Variants in RRAGD observed in about 807,000 individuals in gnomAD.
The protein encoded by RRAGD is ras-related GTP-binding protein D.
Under a neutral mutation model 35.5 loss-of-function variants are expected in RRAGD, and 12 were observed. The observed-to-expected ratio is 0.34, with a 90% CI of 0.22 to 0.55. The LOEUF (loss-of-function observed/expected upper bound fraction) is 0.55, where lower values mean the gene tolerates loss of function less well. Among genes scored for constraint, RRAGD ranks in the 20% least tolerant of loss-of-function variants. RRAGD has a pLI of 0.91. For missense variants in RRAGD, 324 were observed against 490.1 expected (o/e 0.66, Z 3.20); for synonymous variants, 155 against 178.9 (o/e 0.87, Z 1.07).
chr6:89,395,425 C>A (rs779616920), intron 1 of RRAGD, among the ~76,000 whole-genome samples: 1 of 151,920 alleles, frequency 6.6e-6, no homozygotes, highest in African/African-American at 2.4e-5. Flanking sequence ...CAACTTAAAT[C>A]GATAGAACTA....
At chr6:89,376,947 C>T (rs1768959663) in intron 5 of RRAGD, among the ~76,000 whole-genome samples, 1 of 152,224 alleles carries the variant, frequency 6.6e-6, no homozygotes, top group Admixed American at 6.5e-5. Flanking sequence ...TCTGCCACTC[C>T]TAAGACAGCA....
At chr6:89,407,917 G>C (rs1769615377) in intron 1 of RRAGD, among the ~76,000 whole-genome samples, 1 of 152,048 alleles carries the variant, frequency 6.6e-6, no homozygotes, top group Non-Finnish European at 1.5e-5. Flanking sequence ...TAAAAGTAGA[G>C]AGTCAGTACT....
intron 1 of RRAGD, among the ~76,000 whole-genome samples, chr6:89,392,289 C>A (rs2127892948): frequency 6.6e-6 from 1 of 151,948 alleles, no homozygotes; most frequent in East Asian, 1.9e-4. Flanking sequence ...GTCTGGGCAG[C>A]ATAGAGAGAC....
intron 1 of RRAGD, among the ~76,000 whole-genome samples, chr6:89,400,966 G>A (rs1365941929): frequency 6.6e-6 from 1 of 152,186 alleles, no homozygotes; most frequent in African/African-American, 2.4e-5. Context: ...CACTGGCCAA[G>A]TGTGAGGCAG....
chr6:89,397,400 TG>T, intron 1 of RRAGD, among the ~76,000 whole-genome samples: 1 of 152,212 alleles, frequency 6.6e-6, no homozygotes, highest in Middle Eastern at 3.4e-3. Context: ...CTAAGAGAAA[TG>T]AAAGTTTTTG....
intron 2 of RRAGD, among the ~76,000 whole-genome samples, chr6:89,384,977 C>CTGTAG (rs1769116063): frequency 6.6e-6 from 1 of 151,888 alleles, no homozygotes; most frequent in Non-Finnish European, 1.5e-5. Context: ...TCACTTGAGC[C>CTGTAG]CAGGACTTTG....
In RRAGD at chr6:89,377,761, A is replaced by G; in HGVS notation, c.812T>C (p.Ile271Thr). The change falls in exon 5 of 7, where the codon ATT (isoleucine) becomes ACT (threonine). Residue 271 changes from isoleucine (I) to threonine (T), a missense_variant. Ile to Thr is a moderately conservative substitution (Grantham distance 89). Transcript: ENST00000369415. ...FLFDVVSKIY[I>T]ATDSTPVDMQ... ...ATCCACCGGAGTACTATCAGTTGCAATATAAATTTTACTGACCACATCAAA... is the reference window on the plus strand; with the variant it reads ...ATCCACCGGAGTACTATCAGTTGCAGTATAAATTTTACTGACCACATCAAA... 2 of 1,611,262 alleles carry G rather than the reference A, an allele frequency of 1.2e-6. No individual in the cohort carries two copies. The highest frequency in any genetic ancestry group is 1.7e-6 in the Non-Finnish European group (2 of 1,178,568).
rs1769017144 is a variant in RRAGD, at chr6:89,380,173, G to A, written c.639C>T (p.His213=). The A allele has an allele frequency of 6.2e-7, 1 of 1,614,118 alleles. No homozygotes were observed. Among genetic ancestry groups the A allele is most frequent in the Non-Finnish European group, 8.5e-7 (1 of 1,179,958 alleles). ...DLADAGLEKI[H]LSFYLTSIYD... is the part of the protein sequence containing the mutation. ...TAAGGGGTTTCTGTTCTCACCTGAG[G>A]TGAATTTTTTCTAATCCAGCATCTG... is the stretch of plus-strand genomic sequence containing the variant. The change falls in exon 3 of 7, where the codon CAC becomes CAT. Residue 213 remains histidine (H), a synonymous_variant. Coordinates refer to ENST00000369415, the MANE Select transcript of RRAGD (RefSeq NM_021244.5).
intron 2 of RRAGD, among the ~76,000 whole-genome samples, chr6:89,382,887 A>T (rs1339997842): frequency 6.6e-6 from 1 of 152,174 alleles, no homozygotes; most frequent in Non-Finnish European, 1.5e-5. Context: ...AAAAAAATAA[A>T]AAAAAAAATT....
Position 89,366,921 on chromosome 6 carries a change from T to G in RRAGD, c.*1135A>C, listed in dbSNP as rs1164656943. 6.6e-6 allele frequency: 1 copy of G among 152,018 alleles called. No individual in the cohort carries two copies. Among genetic ancestry groups the G allele is most frequent in the Non-Finnish European group, 1.5e-5 (1 of 67,998 alleles). The allele number at this position is 152,018 out of a possible 1,614,324, so 9.4% of individuals were successfully genotyped here. A position where few individuals can be genotyped will look rare whatever the true frequency, so the allele number is the denominator to read the frequency against. The stretch of plus-strand genomic sequence containing the variant: ...GGCTGAGCTTGGCTTAATCATAAGG[T>G]GGGAACAAGTGGAGTACATGAGGCA... On this transcript the variant is annotated 3_prime_UTR_variant, in exon 7 of 7. Transcript: ENST00000369415.
intron 1 of RRAGD, among the ~76,000 whole-genome samples, chr6:89,396,408 T>C (rs993847664): frequency 3.4e-5 from 3 of 89,198 alleles, no homozygotes; most frequent in East Asian, 3.3e-4. Context: ...TAATAAGAAA[T>C]GACTCAATTT....
rs989410851 is a variant in RRAGD at position 89,365,861 on chromosome 6, A to G, written c.*2195T>C. The G allele has an allele frequency of 2.6e-5, 4 of 152,258 alleles. No individual in the cohort carries two copies. Among genetic ancestry groups the G allele is most frequent in the African/African-American group, 9.6e-5 (4 of 41,468 alleles). The allele number at this position is 152,258 out of a possible 1,614,324, so 9.4% of individuals were successfully genotyped here. On this transcript the variant is annotated 3_prime_UTR_variant, in exon 7 of 7. Transcript: ENST00000369415. ...AGGCTAGTGTCTCTAGCTTGAGGAT[A>G]AAGTCATATTAGAAAACTGATTCTT...
chr6:89,386,475 C>G (rs556017748), intron 2 of RRAGD, among the ~76,000 whole-genome samples: 2 of 152,326 alleles, frequency 1.3e-5, no homozygotes, highest in African/African-American at 4.8e-5. Flanking sequence ...GCATAGGAAA[C>G]AGGTTCCCAA....
intron 1 of RRAGD, among the ~76,000 whole-genome samples, chr6:89,391,231 A>G (rs535482127): frequency 6.6e-6 from 1 of 150,702 alleles, no homozygotes; most frequent in East Asian, 2.0e-4. Flanking sequence ...CAAAAACTTT[A>G]AAAATTAGCT....
At chr6:89,379,074 T>A (rs1236262568) in intron 4 of RRAGD, 150 bp downstream of exon 4, 3 of 508,718 alleles carry the variant, frequency 5.9e-6, no homozygotes, top group East Asian at 6.7e-5. Context: ...TTTTAAAGGA[T>A]CTAAAAGAAC....
At chr6:89,384,685 G>C (rs1769108372) in intron 2 of RRAGD, among the ~76,000 whole-genome samples, 1 of 151,700 alleles carries the variant, frequency 6.6e-6, no homozygotes, top group South Asian at 2.1e-4. Flanking sequence ...TGTGGTGGCG[G>C]GCGCCTGCAG....
intron 6 of RRAGD, 36 bp from the exon 7 acceptor site, chr6:89,368,243 G>T: frequency 1.3e-6 from 2 of 1,589,950 alleles, no homozygotes; most frequent in Non-Finnish European, 1.7e-6. Context: ...TAAATGTCAC[G>T]TAGAAATAAT....
At position 89,364,928 on chromosome 6, in the gene RRAGD, T is replaced by C. The variant is rs1168322122; in HGVS notation, c.*3128A>G. 6.6e-6 allele frequency: 1 copy of C among 152,260 alleles called. No homozygotes were observed. The highest frequency in any genetic ancestry group is 1.5e-5 in the Non-Finnish European group (1 of 68,042). The allele number at this position is 152,260 out of a possible 1,614,324, so 9.4% of individuals were successfully genotyped here. On this transcript the variant is annotated 3_prime_UTR_variant, in exon 7 of 7. Transcript: ENST00000369415. ...ATTCTTGAAAGCAATGGCTTAACAA[T>C]GGTTATTAAGTGATGTACTGCTTAA...
chr6:89,394,440 G>GA (rs888590333), intron 1 of RRAGD, among the ~76,000 whole-genome samples: 4 of 151,802 alleles, frequency 2.6e-5, no homozygotes, highest in South Asian at 2.1e-4. Flanking sequence ...AAGACAAAAG[G>GA]AAAAAAAATC....
Sources: allele counts gnomAD v4.1 joint callset (sites outside exome capture counted in the v4.1 genomes callset), GRCh38; gene constraint gnomAD v4.1.1; transcripts MANE v1.5; gene names NCBI Gene and HGNC (gene_info 2026-07-23, HGNC 2026-07-21).